PLD5: variants seen among roughly 807,000 people sequenced by gnomAD.
PLD5 encodes inactive phospholipase D5.
PLD5 carries 36 observed loss-of-function variants against 61.1 expected under a neutral mutation model. That is an observed-to-expected ratio of 0.59 (90% CI 0.45 to 0.78). The LOEUF is 0.78. Ranked by LOEUF, PLD5 falls within the 30% of genes least tolerant of loss-of-function variation. The pLI is 0.00. For missense variants in PLD5, 515 were observed against 644.4 expected (o/e 0.80, Z 2.17); for synonymous variants, 243 against 242.8 (o/e 1.00, Z -0.01).
At chr1:242,433,025 C>T (rs1018873896) in intron 1 of PLD5, among the ~76,000 whole-genome samples, 1 of 152,088 alleles carries the variant, frequency 6.6e-6, no homozygotes, top group African/African-American at 2.4e-5. Flanking sequence ...AATGTCAACC[C>T]TGTTTTCTTA....
intron 1 of PLD5, among the ~76,000 whole-genome samples, chr1:242,512,574 C>T (rs1668961979): frequency 6.6e-6 from 1 of 152,148 alleles, no homozygotes; most frequent in Non-Finnish European, 1.5e-5. Flanking sequence ...ACAATGTACT[C>T]AGGAAAAATT....
chr1:242,415,096 C>T (rs773259318), intron 1 of PLD5, among the ~76,000 whole-genome samples: 3 of 152,252 alleles, frequency 2.0e-5, no homozygotes, highest in East Asian at 1.9e-4. Flanking sequence ...AAAAGTTTAG[C>T]GACACACTGT....
At chr1:242,161,855 C>T (rs1447465844) in intron 5 of PLD5, among the ~76,000 whole-genome samples, 1 of 152,138 alleles carries the variant, frequency 6.6e-6, no homozygotes, top group Non-Finnish European at 1.5e-5. Flanking sequence ...GGTACAACCA[C>T]ATAGAGCATC....
intron 2 of PLD5, among the ~76,000 whole-genome samples, chr1:242,334,936 T>C (rs1251248126): frequency 2.6e-5 from 4 of 152,194 alleles, no homozygotes; most frequent in African/African-American, 9.6e-5. Flanking sequence ...ACTCTTTTTC[T>C]TTGTCTTGTT....
intron 4 of PLD5, among the ~76,000 whole-genome samples, chr1:242,258,126 T>C (rs971693281): frequency 1.3e-5 from 2 of 152,248 alleles, no homozygotes; most frequent in Non-Finnish European, 2.9e-5. Flanking sequence ...AAATTGCATA[T>C]AAAAACCGAT....
intron 7 of PLD5, among the ~76,000 whole-genome samples, chr1:242,113,088 T>TC (rs1258483868): frequency 3.4e-5 from 1 of 29,818 alleles, no homozygotes. Context: ...CTCTCTCTTT[T>TC]TTTTTTTTTT....
intron 1 of PLD5, among the ~76,000 whole-genome samples, chr1:242,355,234 C>T (rs568371045): frequency 2.0e-4 from 30 of 151,842 alleles, no homozygotes; most frequent in Middle Eastern, 3.4e-3. Context: ...CATTCAGCAG[C>T]GAAGCCAACA....
intron 3 of PLD5, among the ~76,000 whole-genome samples, chr1:242,286,452 A>AC (rs936137604): frequency 3.9e-5 from 6 of 152,204 alleles, no homozygotes; most frequent in African/African-American, 1.4e-4. Context: ...TCCTCCCTGT[A>AC]CCAGGGTGAG....
chr1:242,376,742 C>T (rs1046162118), intron 1 of PLD5, among the ~76,000 whole-genome samples: 1 of 152,086 alleles, frequency 6.6e-6, no homozygotes, highest in African/African-American at 2.4e-5. Context: ...AACGCAAATA[C>T]TGTTTTAATA....
intron 1 of PLD5, among the ~76,000 whole-genome samples, chr1:242,391,852 A>T (rs887283042): frequency 6.6e-6 from 1 of 152,184 alleles, no homozygotes; most frequent in Non-Finnish European, 1.5e-5. Context: ...AAAGGCAGAG[A>T]TTTCTCAAAG....
chr1:242,391,763 A>G (rs1302751850), intron 1 of PLD5, among the ~76,000 whole-genome samples: 2 of 150,686 alleles, frequency 1.3e-5, no homozygotes, highest in Non-Finnish European at 3.0e-5. Flanking sequence ...GTCTTGGGCA[A>G]TGTTTTGGGG....
chr1:242,405,389 G>T (rs926023533), intron 1 of PLD5, among the ~76,000 whole-genome samples: 2 of 152,088 alleles, frequency 1.3e-5, no homozygotes, highest in South Asian at 4.1e-4. Context: ...GTGGGTAGAG[G>T]CCAGGGATGC....
intron 2 of PLD5, among the ~76,000 whole-genome samples, chr1:242,292,285 C>T (rs1675414829): frequency 6.6e-6 from 1 of 152,154 alleles, no homozygotes; most frequent in African/African-American, 2.4e-5. Flanking sequence ...AAACATCCCT[C>T]CAACAAAACA....
intron 3 of PLD5, among the ~76,000 whole-genome samples, chr1:242,268,874 G>A (rs957038341): frequency 6.6e-6 from 1 of 151,918 alleles, no homozygotes; most frequent in Admixed American, 6.6e-5. Flanking sequence ...ATGGAGTCTC[G>A]ATCTGTCGCC....
chr1:242,398,411 T>C (rs978875942), intron 1 of PLD5, among the ~76,000 whole-genome samples: 1 of 152,232 alleles, frequency 6.6e-6, no homozygotes, highest in Non-Finnish European at 1.5e-5. Context: ...AGACATCTTA[T>C]TGAAAACAAC....
At chr1:242,432,330 T>C (rs1665763775) in intron 1 of PLD5, among the ~76,000 whole-genome samples, 1 of 152,188 alleles carries the variant, frequency 6.6e-6, no homozygotes, top group Non-Finnish European at 1.5e-5. Context: ...AAGGAAGCTA[T>C]TCATTCCTAT....
chr1:242,199,081 T>C (rs1668826149), intron 5 of PLD5, among the ~76,000 whole-genome samples: 1 of 152,220 alleles, frequency 6.6e-6, no homozygotes, highest in South Asian at 2.1e-4. Context: ...ATTCAGGATA[T>C]ACTAAATTAC....
At chr1:242,267,046 G>A (rs534450006) in intron 3 of PLD5, among the ~76,000 whole-genome samples, 1 of 152,184 alleles carries the variant, frequency 6.6e-6, no homozygotes, top group East Asian at 1.9e-4. Context: ...GAACCTGGGA[G>A]GTGGAGGTTA....
At chr1:242,142,618 C>T (rs1056020750) in intron 5 of PLD5, among the ~76,000 whole-genome samples, 1 of 151,888 alleles carries the variant, frequency 6.6e-6, no homozygotes, top group Admixed American at 6.6e-5. Flanking sequence ...GAACCTATAG[C>T]TATCCACTTC....
Sources: allele counts gnomAD v4.1 joint callset (sites outside exome capture counted in the v4.1 genomes callset), GRCh38; gene constraint gnomAD v4.1.1; transcripts MANE v1.5; gene names NCBI Gene and HGNC (gene_info 2026-07-23, HGNC 2026-07-21).